GABRB3: variants seen among roughly 807,000 people sequenced by gnomAD.
GABRB3 encodes the protein gamma-aminobutyric acid receptor subunit beta-3.
In GABRB3, 14 loss-of-function variants were observed where a neutral mutation model predicts 52.1. That is an observed-to-expected ratio of 0.27 (90% CI 0.18 to 0.42). The LOEUF is 0.42. Among genes scored for constraint, GABRB3 ranks in the 10% least tolerant of loss-of-function variants. The pLI is 1.00. For missense variants in GABRB3, 307 were observed against 609.1 expected (o/e 0.50, Z 5.22); for synonymous variants, 260 against 232.3 (o/e 1.12, Z -1.08).
intron 4 of GABRB3, among the ~76,000 whole-genome samples, chr15:26,605,738 CGG>C (rs1891763828): frequency 6.6e-6 from 1 of 151,520 alleles, no homozygotes; most frequent in Non-Finnish European, 1.5e-5. Context: ...ATTGAACTCA[CGG>C]AGATAGAGAC....
chr15:26,772,993 G>T lies in GABRB3; in HGVS notation c.-31C>A. On this transcript the variant is annotated 5_prime_UTR_variant, in exon 1 of 9. Transcript: ENST00000311550. Reference sequence around the variant, plus strand: ...CGCCGCGCCCCGGCACGGGGGAGGGGGCGCCCCGCCGCCGTCGCGACCCGC... The same window carrying T: ...CGCCGCGCCCCGGCACGGGGGAGGGTGCGCCCCGCCGCCGTCGCGACCCGC... 1 of 1,349,548 alleles carries T rather than the reference G, an allele frequency of 7.4e-7. No individual in the cohort carries two copies. 83.6% of individuals were successfully genotyped at this position (1,349,548 alleles called of 1,614,324 possible).
intron 7 of GABRB3, among the ~76,000 whole-genome samples, chr15:26,567,062 A>G (rs915935146): frequency 3.3e-5 from 5 of 152,258 alleles, no homozygotes; most frequent in African/African-American, 1.2e-4. Context: ...CCTATAATAC[A>G]TATTGTACAT....
At chr15:26,593,981 A>AATATATATATATATATATATATATATAT (rs61218096) in intron 4 of GABRB3, among the ~76,000 whole-genome samples, 17 of 133,970 alleles carry the variant, frequency 1.3e-4, no homozygotes, top group African/African-American at 4.5e-4. Context: ...CTCATTTTAA[A>AATATATATATATATATATATATATATAT]ATATATATAT....
chr15:26,707,895 T>C (rs1889157049), intron 3 of GABRB3, among the ~76,000 whole-genome samples: 1 of 152,198 alleles, frequency 6.6e-6, no homozygotes, highest in Non-Finnish European at 1.5e-5. Context: ...TCAGAAATAC[T>C]TGGGACCAGA....
intron 8 of GABRB3, among the ~76,000 whole-genome samples, chr15:26,558,185 G>A (rs1889826991): frequency 6.6e-6 from 1 of 152,190 alleles, no homozygotes. Flanking sequence ...AAACATAACA[G>A]TATGATACTA....
intron 3 of GABRB3, among the ~76,000 whole-genome samples, chr15:26,704,651 T>C (rs189943799): frequency 2.2e-3 from 335 of 152,362 alleles, no homozygotes; most frequent in African/African-American, 7.8e-3. Context: ...CCTGAACACC[T>C]TGCTGCTTTG....
intron 4 of GABRB3, among the ~76,000 whole-genome samples, chr15:26,591,475 T>C (rs2140758484): frequency 6.6e-6 from 1 of 152,260 alleles, no homozygotes; most frequent in South Asian, 2.1e-4. Flanking sequence ...ATCAGGCAAA[T>C]GAGACAGGCC....
At chr15:26,604,119 G>A (rs1159389926) in intron 4 of GABRB3, among the ~76,000 whole-genome samples, 1 of 151,826 alleles carries the variant, frequency 6.6e-6, no homozygotes, top group Non-Finnish European at 1.5e-5. Context: ...CTTCTATATG[G>A]CAACAGTGAA....
chr15:26,708,304 A>G (rs1889172218), intron 3 of GABRB3, among the ~76,000 whole-genome samples: 1 of 152,178 alleles, frequency 6.6e-6, no homozygotes, highest in African/African-American at 2.4e-5. Flanking sequence ...TGAAGCAGAA[A>G]GTGAGAACAG....
At chr15:26,617,586 T>A (rs1892305458) in intron 4 of GABRB3, among the ~76,000 whole-genome samples, 1 of 151,924 alleles carries the variant, frequency 6.6e-6, no homozygotes, top group African/African-American at 2.4e-5. Flanking sequence ...CTGGAAGCAT[T>A]CCCTTTGAAA....
chr15:26,596,634 T>C (rs1891405222), intron 4 of GABRB3, among the ~76,000 whole-genome samples: 1 of 152,114 alleles, frequency 6.6e-6, no homozygotes, highest in African/African-American at 2.4e-5. Flanking sequence ...TCCCATATAA[T>C]ATAATCCACT....
intron 4 of GABRB3, among the ~76,000 whole-genome samples, chr15:26,606,777 GATAGATATATCT>G (rs1891822842): frequency 1.4e-5 from 1 of 72,928 alleles, no homozygotes; most frequent in South Asian, 4.7e-4. Context: ...TCTATAGATA[GATAGATATATCT>G]ATAGATAGAT....
intron 8 of GABRB3, chr15:26,550,245 A>C (rs750255808): frequency 1.3e-5 from 2 of 152,228 alleles, no homozygotes; most frequent in Non-Finnish European, 2.9e-5. Flanking sequence ...TAGGGAAAAC[A>C]TAAGAAGAAA....
intron 3 of GABRB3, among the ~76,000 whole-genome samples, chr15:26,722,366 C>A (rs36053947): frequency 6.6e-6 from 1 of 151,932 alleles, no homozygotes; most frequent in Non-Finnish European, 1.5e-5. Flanking sequence ...GAATGCAGGA[C>A]TAAAACATTT....
At chr15:26,733,352 T>C (rs551942807) in intron 3 of GABRB3, among the ~76,000 whole-genome samples, 1 of 152,258 alleles carries the variant, frequency 6.6e-6, no homozygotes, top group East Asian at 1.9e-4. Context: ...ATTACCTGTA[T>C]TTCTATATTG....
chr15:26,668,798 C>T (rs1887797032), intron 3 of GABRB3, among the ~76,000 whole-genome samples: 1 of 152,120 alleles, frequency 6.6e-6, no homozygotes, highest in Non-Finnish European at 1.5e-5. Context: ...ACATTAGGCC[C>T]TCAAAATATC....
intron 3 of GABRB3, among the ~76,000 whole-genome samples, chr15:26,644,666 G>A (rs766643247): frequency 6.6e-6 from 1 of 152,224 alleles, no homozygotes; most frequent in Non-Finnish European, 1.5e-5. Flanking sequence ...ACATTGCCAT[G>A]GCAGCCCTAG....
At chr15:26,565,043 A>T (rs1890114503) in intron 7 of GABRB3, among the ~76,000 whole-genome samples, 1 of 152,220 alleles carries the variant, frequency 6.6e-6, no homozygotes, top group Non-Finnish European at 1.5e-5. Context: ...AAACTGGAGC[A>T]ATAATACTTC....
chr15:26,547,464 T>C lies in GABRB3; in HGVS notation c.*329A>G, dbSNP rs878924024. 2.2e-5 allele frequency: 11 copies of C among 490,278 alleles called. No homozygotes were observed. In the South Asian group the frequency reaches 4.0e-4, roughly 18 times the overall value. 30.4% of individuals were successfully genotyped at this position (490,278 alleles called of 1,614,324 possible). On this transcript the variant is annotated 3_prime_UTR_variant, in exon 9 of 9. Coordinates refer to ENST00000311550, the MANE Select transcript of GABRB3 (RefSeq NM_000814.6). ...AATATTTAGATGATACTTGTCCCTT[T>C]CAATTAAAAAAGAAAAAAACTATGA... is the stretch of plus-strand genomic sequence containing the variant.
Sources: allele counts gnomAD v4.1 joint callset (sites outside exome capture counted in the v4.1 genomes callset), GRCh38; gene constraint gnomAD v4.1.1; transcripts MANE v1.5; gene names NCBI Gene and HGNC (gene_info 2026-07-23, HGNC 2026-07-21).